The following TBCK variants were observed in gnomAD, a reference collection of about 807,000 sequenced individuals.
TBCK encodes the protein TBC domain-containing protein kinase-like protein.
A neutral mutation model predicts 113.4 loss-of-function variants in TBCK; 99 were observed. The observed-to-expected ratio is 0.87, with a 90% CI of 0.74 to 1.03. The LOEUF (loss-of-function observed/expected upper bound fraction) is 1.03. Ranked by LOEUF, TBCK falls within the 50% of genes least tolerant of loss-of-function variation. The probability of loss-of-function intolerance (pLI) is 0.00; values close to 1 mark genes in which losing one functional copy is unlikely to be tolerated. For missense variants in TBCK, 1,045 were observed against 1,061.3 expected (o/e 0.98, Z 0.21); for synonymous variants, 369 against 370.8 (o/e 1.00, Z 0.05).
intron 22 of TBCK, 70 bp from the exon 23 acceptor site, chr4:106,171,340 T>C: frequency 8.4e-7 from 1 of 1,191,890 alleles, no homozygotes; most frequent in South Asian, 1.4e-5. Flanking sequence ...ATAAACACCA[T>C]CTCTCCTAAG....
At chr4:106,148,051 G>A (rs997158974) in intron 23 of TBCK, among the ~76,000 whole-genome samples, 3 of 152,152 alleles carry the variant, frequency 2.0e-5, no homozygotes, top group African/African-American at 7.2e-5. Context: ...AGCGCTCCCA[G>A]GCATATTAGC....
rs1205819509 is a variant in TBCK, at chr4:106,136,350, C to T, written c.2236-19972G>A. Among the ~76,000 whole-genome samples the T allele has an allele frequency of 1.4e-5, 2 of 141,296 alleles. 1 individual carries two copies. The highest frequency in any genetic ancestry group is 1.4e-4 in the Admixed American group (2 of 14,308). 92.7% of individuals were successfully genotyped at this position (141,296 alleles called of 152,430 possible). Reference sequence around the variant, plus strand: ...TCTCCTTACCATTGTCTCCTGAACTCACTGCAACTTGGTTTCTGTCATGAT... The same window carrying T: ...TCTCCTTACCATTGTCTCCTGAACTTACTGCAACTTGGTTTCTGTCATGAT... On this transcript the variant is annotated intron_variant, in intron 23 of 25. Coordinates refer to ENST00000394708, the MANE Select transcript of TBCK (RefSeq NM_001163435.3).
rs752731668 is a variant in TBCK at position 106,212,788 on chromosome 4, G to T, written c.1822C>A (p.Leu608Met). ...SQMIAFHDPE[L>M]SNHLNEIGFI... ...CCAATCTCATTGAGATGATTACTCA[G>T]CTCTGGATCATGAAATGCAATCATC... Residue 608 changes from leucine (L) to methionine (M), a missense_variant, in exon 20 of 26, where the codon CTG (leucine) becomes ATG (methionine). Leu to Met is a conservative substitution (Grantham distance 15, BLOSUM62 2). Coordinates refer to ENST00000394708, the MANE Select transcript of TBCK (RefSeq NM_001163435.3). 6.2e-7 allele frequency: 1 copy of T among 1,612,382 alleles called. No individual in the cohort carries two copies.
intron 2 of TBCK, 28 bp from the exon 3 acceptor site, chr4:106,295,194 A>G (rs1360847381): frequency 1.3e-6 from 2 of 1,599,126 alleles, no homozygotes; most frequent in Non-Finnish European, 1.7e-6. Flanking sequence ...AACCCATGTT[A>G]TATTTTATCA....
chr4:106,277,125 G>A (rs1241911179), intron 3 of TBCK, among the ~76,000 whole-genome samples: 1 of 152,096 alleles, frequency 6.6e-6, no homozygotes, highest in Admixed American at 6.6e-5. Context: ...GGAATGCAAA[G>A]TAAATCTATA....
intron 2 of TBCK, among the ~76,000 whole-genome samples, chr4:106,301,898 A>G (rs1766987283): frequency 6.6e-6 from 1 of 152,196 alleles, no homozygotes; most frequent in African/African-American, 2.4e-5. Flanking sequence ...CACCATTGAA[A>G]AATATGTGTT....
intron 25 of TBCK, among the ~76,000 whole-genome samples, chr4:106,059,360 T>C (rs1474106177): frequency 6.6e-6 from 1 of 151,782 alleles, no homozygotes; most frequent in East Asian, 1.9e-4. Flanking sequence ...AGCAAGTCTA[T>C]TGGTACCATT....
chr4:106,105,747 A>G (rs1187052382), intron 24 of TBCK, among the ~76,000 whole-genome samples: 1 of 147,498 alleles, frequency 6.8e-6, no homozygotes, highest in African/African-American at 2.5e-5. Context: ...CCAGAAAATA[A>G]GTCTATTGAC....
intron 4 of TBCK, among the ~76,000 whole-genome samples, chr4:106,261,831 A>C (rs1762537326): frequency 6.6e-6 from 1 of 152,046 alleles, no homozygotes; most frequent in South Asian, 2.1e-4. Context: ...TTTAGAAATA[A>C]GAGTAAAATA....
intron 23 of TBCK, among the ~76,000 whole-genome samples, chr4:106,133,945 G>A (rs1043404980): frequency 6.6e-6 from 1 of 152,122 alleles, no homozygotes; most frequent in African/African-American, 2.4e-5. Context: ...GGGAGGTGGA[G>A]GCTGCAGTGA....
intron 23 of TBCK, among the ~76,000 whole-genome samples, chr4:106,140,678 A>T (rs1331727650): frequency 2.1e-5 from 3 of 139,694 alleles, no homozygotes; most frequent in Admixed American, 7.1e-5. Flanking sequence ...TGGCTGAAAA[A>T]TTTTCAGTAA....
Position 106,226,203 on chromosome 4 carries a change from G to A in TBCK, c.1774+4160C>T, listed in dbSNP as rs28615150. 8.3e-4 allele frequency among the ~76,000 whole-genome samples: 127 copies of A among 152,220 alleles called. 3 individuals carry two copies. Among genetic ancestry groups the A allele is most frequent in the Admixed American group, 7.7e-3 (118 of 15,274 alleles). On this transcript the variant is annotated intron_variant, in intron 19 of 25. Coordinates refer to ENST00000394708, the MANE Select transcript of TBCK (RefSeq NM_001163435.3). ...AAAAAGCCTGCAATTAGAAAGTGTG[G>A]AAATTTGTCTTTTTCATATTGGAAA...
At chr4:106,063,646 C>G (rs1050543985) in intron 25 of TBCK, among the ~76,000 whole-genome samples, 1 of 151,850 alleles carries the variant, frequency 6.6e-6, no homozygotes, top group African/African-American at 2.4e-5. Flanking sequence ...ATGTTTGTGT[C>G]TTCCCCAAAT....
rs536709183 is a variant in TBCK, at chr4:106,162,161, G to A, written c.2235+8934C>T. On this transcript the variant is annotated intron_variant, in intron 23 of 25. Coordinates refer to ENST00000394708, the MANE Select transcript of TBCK (RefSeq NM_001163435.3). ...ATTGGCCAAAACAACAGGGCTACAG[G>A]CCTCATGCAAGTCCAAAATTCAGCA... 2.3e-4 allele frequency among the ~76,000 whole-genome samples: 35 copies of A among 152,206 alleles called. No homozygotes were observed. In the South Asian group the frequency reaches 6.6e-3, roughly 29 times the overall value.
At chr4:106,056,546 ACTTGT>A (rs997253391) in intron 25 of TBCK, among the ~76,000 whole-genome samples, 1 of 150,176 alleles carries the variant, frequency 6.7e-6, no homozygotes, top group African/African-American at 2.4e-5. Context: ...TCAATTTAGG[ACTTGT>A]CTTGTATCCA....
chr4:106,212,834 C>T lies in TBCK; in HGVS notation c.1776G>A (p.Glu592=), dbSNP rs1372493906. Residue 592 remains glutamate (E), a splice_region_variant and synonymous_variant, in exon 20 of 26, where the codon GAG becomes GAA. Transcript: ENST00000394708. ...FLKDNSHVIQ[E]YLTVFSQMIA... is the part of the protein sequence containing the mutation. The stretch of plus-strand genomic sequence containing the variant: ...TCATCTGAGAGAAGACAGTCAGATA[C>T]TCTGAAATTACAAAGTTTGAGACAA... The T allele has an allele frequency of 3.1e-6, 5 of 1,603,790 alleles. No homozygotes were observed. The highest frequency in any genetic ancestry group is 4.3e-6 in the Non-Finnish European group (5 of 1,172,322).
At chr4:106,086,015 C>T (rs561961387) in intron 25 of TBCK, among the ~76,000 whole-genome samples, 4 of 152,122 alleles carry the variant, frequency 2.6e-5, no homozygotes, top group East Asian at 1.9e-4. Context: ...CAAATCGACA[C>T]CCTAACATCA....
At chr4:106,165,771 C>A (rs1027061181) in intron 23 of TBCK, among the ~76,000 whole-genome samples, 1 of 151,490 alleles carries the variant, frequency 6.6e-6, no homozygotes, top group African/African-American at 2.4e-5. Context: ...TTTAAGTATG[C>A]TAATGATTAC....
At chr4:106,267,407 A>G (rs1346729832) in intron 3 of TBCK, among the ~76,000 whole-genome samples, 1 of 151,996 alleles carries the variant, frequency 6.6e-6, no homozygotes. Flanking sequence ...AATTACCAAG[A>G]AGAAGAATTG....
Sources: allele counts gnomAD v4.1 joint callset (sites outside exome capture counted in the v4.1 genomes callset), GRCh38; gene constraint gnomAD v4.1.1; transcripts MANE v1.5; gene names NCBI Gene and HGNC (gene_info 2026-07-23, HGNC 2026-07-21).